CDC42EP1: variants seen among roughly 807,000 people sequenced by gnomAD.
CDC42EP1 encodes CDC42 effector protein 1.
Under a neutral mutation model 7.4 loss-of-function variants are expected in CDC42EP1, and 6 were observed. The observed-to-expected ratio is 0.81, with a 90% confidence interval of 0.44 to 1.60. CDC42EP1 has a LOEUF of 1.60. CDC42EP1 is among the 40% of genes most tolerant of loss of function. The pLI is 0.01. For missense variants in CDC42EP1, 567 were observed against 539.0 expected, an observed-to-expected ratio of 1.05 and a Z score of -0.51; for synonymous variants, 238 against 227.1, an observed-to-expected ratio of 1.05 and a Z score of -0.43.
chr22:37,568,445 G>A lies in CDC42EP1; in HGVS notation c.801G>A (p.Thr267=), dbSNP rs776609121. ...ANPSAPAATP[T]GPAANPPAPA... ...CCTCAGCACCTGCCGCAACCCCCAC[G>A]GGTCCTGCTGCAAATCCCCCAGCCC... Residue 267 remains threonine, a synonymous_variant, in exon 3 of 3, where the codon ACG becomes ACA. Transcript: ENST00000249014. 28 of 1,581,008 alleles carry A rather than the reference G, an allele frequency of 1.8e-5. No homozygotes were observed. The highest frequency in any genetic ancestry group is 1.7e-4 in the Middle Eastern group (1 of 5,980).
intron 1 of CDC42EP1, among the ~76,000 whole-genome samples, chr22:37,562,970 ATGG>A (rs1925100631): frequency 6.6e-6 from 1 of 152,052 alleles, no homozygotes; most frequent in Non-Finnish European, 1.5e-5. Context: ...TTAGCTGAGC[ATGG>A]TGGTATGTGC....
intron 1 of CDC42EP1, among the ~76,000 whole-genome samples, chr22:37,564,750 C>A (rs1481157124): frequency 6.6e-6 from 1 of 152,214 alleles, no homozygotes; most frequent in African/African-American, 2.4e-5. Flanking sequence ...CCTCTCTAAT[C>A]TCATGCTGCC....
intron 1 of CDC42EP1, among the ~76,000 whole-genome samples, chr22:37,560,999 G>T (rs544101603): frequency 3.4e-4 from 52 of 152,128 alleles, no homozygotes; most frequent in East Asian, 1.6e-3. Flanking sequence ...GGAAGTGGGG[G>T]GTGGGGGGCC....
At position 37,566,556 on chromosome 22, in the gene CDC42EP1, C is replaced by A. The variant is rs760780041; in HGVS notation, c.207C>A (p.Gly69=). ...GDTSFLSNHG[G]SSGSTHRSPR... is the part of the protein sequence containing the mutation. ...CGTCCTTCCTCAGCAACCACGGTGGCAGCTCCGGGAGCACCCATCGCTCAC... is the reference window on the plus strand; with the variant it reads ...CGTCCTTCCTCAGCAACCACGGTGGAAGCTCCGGGAGCACCCATCGCTCAC... The change falls in exon 2 of 3, where the codon GGC becomes GGA. Residue 69 remains glycine, a synonymous_variant. Coordinates refer to ENST00000249014, the MANE Select transcript of CDC42EP1 (RefSeq NM_152243.3). The surrounding 1 kb of genome is among the most constrained non-coding windows in gnomAD (Gnocchi z 6.4). The A allele has an allele frequency of 4.4e-6, 7 of 1,607,672 alleles. No individual in the cohort carries two copies. The highest frequency in any genetic ancestry group is 5.1e-6 in the Non-Finnish European group (6 of 1,175,520).
At chr22:37,564,720 C>T (rs1925164146) in intron 1 of CDC42EP1, among the ~76,000 whole-genome samples, 1 of 151,686 alleles carries the variant, frequency 6.6e-6, no homozygotes, top group African/African-American at 2.4e-5. Context: ...CAAGTTACGT[C>T]ACTTTGTGCC....
In CDC42EP1 at chr22:37,560,540, AGACGACGAGTCCGCCCTCGTCCCGC is replaced by A. The variant is rs1370311027; in HGVS notation, c.-325_-301del. ...CGGGACGCGCGGCCGCCGCCGCTGC[AGACGACGAGTCCGCCCTCGTCCCGC>A]GCCCCCGGGGCTCGCGGAGCCAGGT... On this transcript the variant is annotated 5_prime_UTR_variant, in exon 1 of 3. Coordinates refer to ENST00000249014, the MANE Select transcript of CDC42EP1 (RefSeq NM_152243.3). The A allele has an allele frequency of 2.7e-5, 4 of 149,878 alleles. No homozygotes were observed. The highest frequency in any genetic ancestry group is 4.5e-5 in the Non-Finnish European group (3 of 67,186). 9.3% of individuals were successfully genotyped at this position (149,878 alleles called of 1,614,324 possible).
chr22:37,566,079 C>A lies in CDC42EP1; in HGVS notation c.-271C>A, dbSNP rs1042182685. Reference sequence around the variant, plus strand: ...ATTCTGTCTTCCTTCCAGGTCTCCACCTCTGGGCAGGAGAGTTGCCGACCA... The same window carrying A: ...ATTCTGTCTTCCTTCCAGGTCTCCAACTCTGGGCAGGAGAGTTGCCGACCA... On this transcript the variant is annotated 5_prime_UTR_variant, in exon 2 of 3. Coordinates refer to ENST00000249014, the MANE Select transcript of CDC42EP1 (RefSeq NM_152243.3). This position sits in a 1 kb window ranked among gnomAD's most constrained non-coding sequence, Gnocchi z 6.4. 1.4e-5 allele frequency: 5 copies of A among 362,616 alleles called. No homozygotes were observed. Among genetic ancestry groups the A allele is most frequent in the Non-Finnish European group, 2.0e-5 (4 of 202,446 alleles). The allele number at this position is 362,616 out of a possible 1,614,324, so 22.5% of individuals were successfully genotyped here. A position where few individuals can be genotyped will look rare whatever the true frequency, so the allele number is the denominator to read the frequency against.
intron 2 of CDC42EP1, among the ~76,000 whole-genome samples, chr22:37,567,053 TG>T (rs1180437674): frequency 2.6e-5 from 4 of 152,164 alleles, no homozygotes; most frequent in Admixed American, 2.6e-4. Flanking sequence ...CTGTGTGACC[TG>T]GGCAAGCACA....
At position 37,569,046 on chromosome 22, in the gene CDC42EP1, C is replaced by T; in HGVS notation, c.*226C>T. ...CTGACCACCTCCCCCGACTGCCACTCTGGACCTAATAGCTGTTCCTTAGGC... is the reference window on the plus strand; with the variant it reads ...CTGACCACCTCCCCCGACTGCCACTTTGGACCTAATAGCTGTTCCTTAGGC... On this transcript the variant is annotated 3_prime_UTR_variant, in exon 3 of 3. Transcript: ENST00000249014. The T allele has an allele frequency of 2.5e-6, 1 of 392,542 alleles. No individual in the cohort carries two copies. The highest frequency in any genetic ancestry group is 4.5e-6 in the Non-Finnish European group (1 of 222,502). 24.3% of individuals were successfully genotyped at this position (392,542 alleles called of 1,614,324 possible). A position where few individuals can be genotyped will look rare whatever the true frequency, so the allele number is the denominator to read the frequency against.
At position 37,568,285 on chromosome 22, in the gene CDC42EP1, T is replaced by C; in HGVS notation, c.641T>C (p.Met214Thr). Reference protein sequence around the residue: ...PSLLSELLGVMSLPEAPAAET... With the variant: ...PSLLSELLGVTSLPEAPAAET... The stretch of plus-strand genomic sequence containing the variant: ...CTCCTCAGCGAGCTGCTAGGGGTCA[T>C]GAGCCTCCCAGAAGCCCCTGCAGCT... The change falls in exon 3 of 3, where the codon ATG becomes ACG. Residue 214 changes from methionine to threonine, a missense_variant. By Grantham distance (81) the Met-to-Thr change is moderately conservative. Coordinates refer to ENST00000249014, the MANE Select transcript of CDC42EP1 (RefSeq NM_152243.3). 2.5e-6 allele frequency: 4 copies of C among 1,613,538 alleles called. No homozygotes were observed. Among genetic ancestry groups the C allele is most frequent in the Non-Finnish European group, 2.5e-6 (3 of 1,179,976 alleles).
At position 37,566,919 on chromosome 22, in the gene CDC42EP1, G is replaced by A. The variant is rs1214448290; in HGVS notation, c.463+107G>A. On this transcript the variant is annotated intron_variant, in intron 2 of 2. Coordinates refer to ENST00000249014, the MANE Select transcript of CDC42EP1 (RefSeq NM_152243.3). This position sits in a 1 kb window ranked among gnomAD's most constrained non-coding sequence, Gnocchi z 6.4. ...AAGTGAGCTCCAAGTGACCACAGAGGTCAGGCCCAGACCCCACATCATGGA... is the reference window on the plus strand; with the variant it reads ...AAGTGAGCTCCAAGTGACCACAGAGATCAGGCCCAGACCCCACATCATGGA... 1.0e-5 allele frequency: 8 copies of A among 788,026 alleles called. No individual in the cohort carries two copies. The highest frequency in any genetic ancestry group is 1.6e-5 in the Non-Finnish European group (8 of 509,432). The allele number at this position is 788,026 out of a possible 1,614,324, so 48.8% of individuals were successfully genotyped here.
At chr22:37,562,822 G>C (rs986073692) in intron 1 of CDC42EP1, among the ~76,000 whole-genome samples, 1 of 152,166 alleles carries the variant, frequency 6.6e-6, no homozygotes, top group Non-Finnish European at 1.5e-5. Flanking sequence ...CAAGAAGTCA[G>C]GGAGGCCAGG....
At position 37,566,426 on chromosome 22, in the gene CDC42EP1, G is replaced by A. The variant is rs1925241631; in HGVS notation, c.77G>A (p.Ser26Asn). The A allele has an allele frequency of 6.2e-7, 1 of 1,609,086 alleles. No homozygotes were observed. Among genetic ancestry groups the A allele is most frequent in the Non-Finnish European group, 8.5e-7 (1 of 1,177,806 alleles). The change falls in exon 2 of 3, where the codon AGT (serine) becomes AAT (asparagine). Residue 26 changes from serine to asparagine, a missense_variant. Physicochemically the swap from Ser to Asn is conservative, Grantham distance 46. Transcript: ENST00000249014. This position sits in a 1 kb window ranked among gnomAD's most constrained non-coding sequence, Gnocchi z 6.4. ...CTCTCGCCTGTGGGCTGGGTGTCCA[G>A]TTCACAGGGAAAGAGGCGGCTGACT... is the stretch of plus-strand genomic sequence containing the variant. ...GKLSPVGWVS[S>N]SQGKRRLTAD... is the part of the protein sequence containing the mutation.
rs750109544 is a variant in CDC42EP1, at chr22:37,568,247, C to T, written c.603C>T (p.Asp201=). 1.2e-6 allele frequency: 2 copies of T among 1,613,830 alleles called. No individual in the cohort carries two copies. The highest frequency in any genetic ancestry group is 2.2e-5 in the East Asian group (1 of 44,870). ...TCTTGTCCTTCCGCCTGGACCTCGA[C>T]CTTGGGCCCTCACTCCTCAGCGAGC... is the stretch of plus-strand genomic sequence containing the variant. The part of the protein sequence containing the change: ...DSLLSFRLDL[D]LGPSLLSELL... Residue 201 remains aspartate, a synonymous_variant, in exon 3 of 3, where the codon GAC becomes GAT. Transcript: ENST00000249014.
In CDC42EP1 at chr22:37,568,695, T is replaced by A. The variant is rs1925366271; in HGVS notation, c.1051T>A (p.Trp351Arg). 6.5e-7 allele frequency: 1 copy of A among 1,540,718 alleles called. No individual in the cohort carries two copies. Among genetic ancestry groups the A allele is most frequent in the African/African-American group, 1.4e-5 (1 of 73,048 alleles). The change falls in exon 3 of 3, where the codon TGG (tryptophan) becomes AGG (arginine). Residue 351 changes from tryptophan to arginine, a missense_variant. Physicochemically the swap from Trp to Arg is moderately radical, Grantham distance 101. Transcript: ENST00000249014. The part of the protein sequence containing the change: ...VEVLPQARAS[W>R]ESLDEEWRAP... ...GGTGCTGCCCCAAGCCCGGGCCTCC[T>A]GGGAGAGCCTGGACGAAGAGTGGAG...
chr22:37,567,160 G>C (rs972207207), intron 2 of CDC42EP1, among the ~76,000 whole-genome samples: 2 of 151,910 alleles, frequency 1.3e-5, no homozygotes, highest in Non-Finnish European at 2.9e-5. Flanking sequence ...ATCATGGAGA[G>C]GTGAAGGGCC....
Position 37,568,162 on chromosome 22 carries a change from A to G in CDC42EP1, c.518A>G (p.His173Arg), listed in dbSNP as rs1051192080. Residue 173 changes from histidine to arginine, a missense_variant, in exon 3 of 3, where the codon CAT becomes CGT. Physicochemically the swap from His to Arg is conservative, Grantham distance 29. Transcript: ENST00000249014. ...ISRLPRSEKP[H>R]DRDRDGSFPS... Reference sequence around the variant, plus strand: ...CGCCTGCCCCGCTCGGAAAAGCCGCATGACCGAGACCGGGATGGTTCCTTC... The same window carrying G: ...CGCCTGCCCCGCTCGGAAAAGCCGCGTGACCGAGACCGGGATGGTTCCTTC... 12 of 1,613,770 alleles carry G rather than the reference A, an allele frequency of 7.4e-6. No individual in the cohort carries two copies. The highest frequency in any genetic ancestry group is 5.3e-5 in the African/African-American group (4 of 74,864).
chr22:37,569,086 C>G lies in CDC42EP1; in HGVS notation c.*266C>G. On this transcript the variant is annotated 3_prime_UTR_variant, in exon 3 of 3. Transcript: ENST00000249014. ...GTTCCTTAGGCCCCACTCCATGCCA[C>G]CCCCACCAGCTGGAGGACCCAGCCT... The G allele has an allele frequency of 3.1e-6, 1 of 325,714 alleles. No individual in the cohort carries two copies. Among genetic ancestry groups the G allele is most frequent in the Non-Finnish European group, 5.6e-6 (1 of 179,450 alleles). 20.2% of individuals were successfully genotyped at this position (325,714 alleles called of 1,614,324 possible).
Position 37,568,760 on chromosome 22 carries a change from A to G in CDC42EP1, c.1116A>G (p.Thr372=), listed in dbSNP as rs142182487. The G allele has an allele frequency of 3.3e-4, 499 of 1,506,244 alleles. 5 individuals are homozygous for G. The African/African-American group carries it at 6.5e-3, about 19-fold the overall frequency. 93.3% of individuals were successfully genotyped at this position (1,506,244 alleles called of 1,614,324 possible). A position where few individuals can be genotyped will look rare whatever the true frequency, so the allele number is the denominator to read the frequency against. Residue 372 remains threonine (T), a synonymous_variant, in exon 3 of 3, where the codon ACA becomes ACG. Transcript: ENST00000249014. ...GCAGCAGGACCCCAGTGCCCAGCAC[A>G]GTGCAAGCAAACACCTTTGAATTTG... ...QAGSRTPVPS[T]VQANTFEFAD...
Sources: allele counts gnomAD v4.1 joint callset (sites outside exome capture counted in the v4.1 genomes callset), GRCh38; gene constraint gnomAD v4.1.1; non-coding constraint Gnocchi (gnomAD v3.1); transcripts MANE v1.5; gene names NCBI Gene and HGNC (gene_info 2026-07-23, HGNC 2026-07-21).